Variants in SHANK2 observed in about 807,000 individuals in gnomAD.
SHANK2 encodes SH3 and multiple ankyrin repeat domains 2.
In SHANK2, 43 loss-of-function variants were observed where a neutral mutation model predicts 133.7. The ratio of observed to expected loss-of-function variants is 0.32; its 90% confidence interval spans 0.25 to 0.41. SHANK2 has a LOEUF of 0.41. Among genes scored for constraint, SHANK2 ranks in the 10% least tolerant of loss-of-function variants. The probability of loss-of-function intolerance (pLI) is 1.00; values close to 1 mark genes in which losing one functional copy is unlikely to be tolerated. For missense variants in SHANK2, 1,994 were observed against 2,235.8 expected, an observed-to-expected ratio of 0.89 and a Z score of 2.18; for synonymous variants, 1,017 against 952.8, an observed-to-expected ratio of 1.07 and a Z score of -1.24.
intron 21 of SHANK2, among the ~76,000 whole-genome samples, chr11:70,493,715 G>A (rs966905834): frequency 1.3e-5 from 2 of 152,184 alleles, no homozygotes; most frequent in Non-Finnish European, 2.9e-5. Flanking sequence ...TCTGGTGGGT[G>A]TACCCCATTC....
intron 17 of SHANK2, among the ~76,000 whole-genome samples, chr11:70,567,690 C>T (rs781802004): frequency 1.6e-4 from 25 of 151,906 alleles, no homozygotes; most frequent in Admixed American, 5.2e-4. Context: ...CAGACGACTA[C>T]GGGAGGACCC....
intron 2 of SHANK2, among the ~76,000 whole-genome samples, chr11:71,207,178 C>CTTTT (rs56946028): frequency 8.6e-6 from 1 of 115,870 alleles, no homozygotes; most frequent in East Asian, 2.7e-4. Flanking sequence ...TTTAAAATTC[C>CTTTT]TTTTTTTTTT....
intron 14 of SHANK2, among the ~76,000 whole-genome samples, chr11:70,780,834 A>G (rs1048714564): frequency 7.2e-5 from 11 of 152,168 alleles, no homozygotes; most frequent in Non-Finnish European, 1.5e-5. Flanking sequence ...TCGTCCTCCC[A>G]AAGTGCTGGG....
intron 3 of SHANK2, among the ~76,000 whole-genome samples, chr11:71,137,321 G>T (rs1440631147): frequency 7.8e-6 from 1 of 127,762 alleles, no homozygotes; most frequent in Non-Finnish European, 1.6e-5. Context: ...AAAAAAAAAG[G>T]TAACTGCTAT....
Position 70,885,650 on chromosome 11 carries a change from C to T in SHANK2, c.1174+10851G>A, listed in dbSNP as rs193284784. On this transcript the variant is annotated intron_variant, in intron 11 of 25. Coordinates refer to ENST00000601538, the MANE Select transcript of SHANK2 (RefSeq NM_012309.5). ...AAGACAAGGCACACAGAGATGCATG[C>T]TGGGCAGGAGCTCCGGCCTCACTGT... 4.4e-3 allele frequency among the ~76,000 whole-genome samples: 674 copies of T among 152,248 alleles called. 2 individuals are homozygous for T. Among genetic ancestry groups the T allele is most frequent in the Non-Finnish European group, 6.7e-3 (456 of 68,020 alleles).
intron 2 of SHANK2, among the ~76,000 whole-genome samples, chr11:71,202,916 C>T (rs1186274503): frequency 1.3e-5 from 2 of 152,232 alleles, no homozygotes; most frequent in Admixed American, 6.5e-5. Context: ...GAGCCAGATG[C>T]CACCAGGATA....
At position 70,646,181 on chromosome 11, in the gene SHANK2, G is replaced by A. The variant is rs1404585068; in HGVS notation, c.2061+13647C>T. 4 of 152,338 alleles carry A rather than the reference G, an allele frequency of 2.6e-5. No individual in the cohort carries two copies. The East Asian group carries it at 5.8e-4, about 22-fold the overall frequency. The allele number at this position is 152,338 out of a possible 1,614,324, so 9.4% of individuals were successfully genotyped here. ...GTGCTTGGTGCCCCCTCAAACCCAG[G>A]ACATTCAGTGTAAATGACTGTGAGC... On this transcript the variant is annotated intron_variant, in intron 17 of 25. Transcript: ENST00000601538.
chr11:70,889,087 T>C (rs962422919), intron 11 of SHANK2, among the ~76,000 whole-genome samples: 4 of 152,206 alleles, frequency 2.6e-5, no homozygotes, highest in African/African-American at 9.6e-5. Flanking sequence ...CCGTGGGACC[T>C]AAACTGCACC....
chr11:71,071,521 G>C (rs1951141059), intron 9 of SHANK2, among the ~76,000 whole-genome samples: 1 of 152,250 alleles, frequency 6.6e-6, no homozygotes, highest in Admixed American at 6.5e-5. Context: ...CATAATAACT[G>C]CCTGGTCCTG....
At chr11:70,724,186 C>T (rs940919982) in intron 14 of SHANK2, among the ~76,000 whole-genome samples, 2 of 152,052 alleles carry the variant, frequency 1.3e-5, no homozygotes, top group South Asian at 4.1e-4. Context: ...CAGGTGCACA[C>T]CACCACTCCC....
intron 17 of SHANK2, among the ~76,000 whole-genome samples, chr11:70,635,924 G>A (rs1033667980): frequency 1.3e-5 from 2 of 152,188 alleles, no homozygotes; most frequent in African/African-American, 2.4e-5. Flanking sequence ...GAAAGGCCCC[G>A]TAGGGCATGA....
intron 6 of SHANK2, among the ~76,000 whole-genome samples, chr11:71,096,639 G>A (rs898231830): frequency 4.6e-5 from 7 of 152,166 alleles, no homozygotes; most frequent in Admixed American, 2.0e-4. Flanking sequence ...CACCAATATC[G>A]ACGCTGAACA....
At chr11:71,169,333 T>A (rs1953258805) in intron 2 of SHANK2, among the ~76,000 whole-genome samples, 1 of 152,234 alleles carries the variant, frequency 6.6e-6, no homozygotes, top group South Asian at 2.1e-4. Flanking sequence ...AAGGCTGAGG[T>A]CACTTATGAA....
chr11:70,491,644 G>C (rs782168554), intron 22 of SHANK2, among the ~76,000 whole-genome samples: 5 of 152,240 alleles, frequency 3.3e-5, no homozygotes, highest in Non-Finnish European at 7.3e-5. Flanking sequence ...GGACAGGTAG[G>C]CAGTGCTAGA....
At position 71,091,236 on chromosome 11, in the gene SHANK2, G is replaced by A. The variant is rs941084726; in HGVS notation, c.912+1186C>T. ...GCTCCAGCTTGGGTGTGGGCCGGGGGCTGCCATGAACAGCCCCACAGACCC... is the reference window on the plus strand; with the variant it reads ...GCTCCAGCTTGGGTGTGGGCCGGGGACTGCCATGAACAGCCCCACAGACCC... On this transcript the variant is annotated intron_variant, in intron 8 of 25. Coordinates refer to ENST00000601538, the MANE Select transcript of SHANK2 (RefSeq NM_012309.5). Among the ~76,000 whole-genome samples, 3 of 152,124 alleles carry A rather than the reference G, an allele frequency of 2.0e-5. No individual in the cohort carries two copies. The South Asian group carries it at 6.2e-4, about 32-fold the overall frequency.
intron 14 of SHANK2, among the ~76,000 whole-genome samples, chr11:70,735,010 C>A (rs1946372349): frequency 1.3e-5 from 2 of 152,332 alleles, no homozygotes; most frequent in African/African-American, 4.8e-5. Context: ...TGTAGCACAT[C>A]TGTGCTCTGT....
intron 17 of SHANK2, among the ~76,000 whole-genome samples, chr11:70,577,314 C>T (rs182229517): frequency 6.0e-4 from 91 of 152,310 alleles, no homozygotes; most frequent in Non-Finnish European, 1.1e-3. Flanking sequence ...CCCAAGACCA[C>T]CAGGAATGAC....
At chr11:70,544,522 C>A (rs775066731) in intron 17 of SHANK2, among the ~76,000 whole-genome samples, 1 of 152,158 alleles carries the variant, frequency 6.6e-6, no homozygotes. Flanking sequence ...GTATGGTTCA[C>A]CAGGGCCCAA....
chr11:71,118,673 T>C (rs1321979499), intron 4 of SHANK2, among the ~76,000 whole-genome samples, 156 bp downstream of exon 4: 8 of 151,446 alleles, frequency 5.3e-5, no homozygotes, highest in Non-Finnish European at 1.2e-4. Context: ...AGCCAAATCA[T>C]ATCAAACCTC....
Sources: gnomAD v4.1 joint callset for allele counts (sites outside exome capture counted in the v4.1 genomes callset) on GRCh38, gnomAD v4.1.1 for gene constraint, MANE v1.5 for transcripts, NCBI Gene and HGNC (gene_info 2026-07-23, HGNC 2026-07-21) for gene names.